The following BTBD2 variants were observed in gnomAD, a reference collection of about 807,000 sequenced individuals.
The protein encoded by BTBD2 is BTB domain containing 2.
Under a neutral mutation model 44.0 loss-of-function variants are expected in BTBD2, and 15 were observed. The observed-to-expected ratio is 0.34, with a 90% CI of 0.23 to 0.53. The LOEUF is 0.53. Ranked by LOEUF, BTBD2 falls within the 20% of genes least tolerant of loss-of-function variation. The pLI is 0.95. For synonymous variants in BTBD2, 443 were observed against 335.9 expected (o/e 1.32, Z -3.49); for missense variants, 657 against 746.4 (o/e 0.88, Z 1.39).
intron 1 of BTBD2, among the ~76,000 whole-genome samples, chr19:1,999,135 GC>G (rs1171277046): frequency 2.6e-5 from 4 of 151,958 alleles, no homozygotes; most frequent in Non-Finnish European, 5.9e-5. Context: ...CACCACACGC[GC>G]CCCCCTAAAC....
intron 1 of BTBD2, among the ~76,000 whole-genome samples, chr19:2,009,618 G>A (rs1376231672): frequency 1.3e-5 from 2 of 151,910 alleles, no homozygotes; most frequent in Admixed American, 6.6e-5. Flanking sequence ...GGAGGCCGAG[G>A]TGGGTGGATC....
chr19:1,986,689 G>C, intron 8 of BTBD2, 40 bp from the exon 9 acceptor site: 4 of 1,605,326 alleles, frequency 2.5e-6, no homozygotes, highest in Non-Finnish European at 3.4e-6. Flanking sequence ...AGGACCACCA[G>C]GCTGGGATGC....
At chr19:1,990,540 C>G (rs2016160771) in intron 4 of BTBD2, among the ~76,000 whole-genome samples, 177 bp downstream of exon 4, 2 of 152,212 alleles carry the variant, frequency 1.3e-5, no homozygotes, top group African/African-American at 4.8e-5. Context: ...GCCTCCTGGC[C>G]AAGGCCCCGG....
Position 2,015,451 on chromosome 19 carries a change from C to T in BTBD2, c.253G>A (p.Ala85Thr). 3.6e-6 allele frequency: 5 copies of T among 1,396,718 alleles called. No individual in the cohort carries two copies. Among genetic ancestry groups the T allele is most frequent in the Non-Finnish European group, 3.7e-6 (4 of 1,073,590 alleles). The allele number at this position is 1,396,718 out of a possible 1,614,324, so 86.5% of individuals were successfully genotyped here. A position where few individuals can be genotyped will look rare whatever the true frequency, so the allele number is the denominator to read the frequency against. Reference sequence around the variant, plus strand: ...GCGGCCTCGCGCTGCAGCGCCGCCGCCCCCGGGCCCGCCGCCTCCTCCGCC... The same window carrying T: ...GCGGCCTCGCGCTGCAGCGCCGCCGTCCCCGGGCCCGCCGCCTCCTCCGCC... ...ERAEEAAGPG[A>T]AALQREAAYN... Residue 85 changes from alanine to threonine, a missense_variant, in exon 1 of 9, where the codon GCG (alanine) becomes ACG (threonine). By Grantham distance (58) the Ala-to-Thr change is moderately conservative. Around this residue, in one of 3 missense-constraint regions of BTBD2, gnomAD observed 191 missense variants for 188.5 expected, o/e 1.01. Coordinates refer to ENST00000255608, the MANE Select transcript of BTBD2 (RefSeq NM_017797.4).
chr19:2,015,614 G>C lies in BTBD2; in HGVS notation c.90C>G (p.Ala30=). The C allele has an allele frequency of 1.0e-6, 1 of 975,244 alleles. No homozygotes were observed. The highest frequency in any genetic ancestry group is 1.2e-6 in the Non-Finnish European group (1 of 826,394). 60.4% of individuals were successfully genotyped at this position (975,244 alleles called of 1,614,324 possible). A position where few individuals can be genotyped will look rare whatever the true frequency, so the allele number is the denominator to read the frequency against. Residue 30 remains alanine (A), a synonymous_variant, in exon 1 of 9, where the codon GCC becomes GCG. Coordinates refer to ENST00000255608, the MANE Select transcript of BTBD2 (RefSeq NM_017797.4). ...CGGGGGCCGGGGTGGCGGCGGCGTT[G>C]GCGCTGGGCCCGGGACTGCCCCCCG... ...PGTGGSPGPS[A]NAAATPAPGN... is the part of the protein sequence containing the mutation.
chr19:2,014,429 C>CA (rs2016506079), intron 1 of BTBD2: 1 of 148,954 alleles, frequency 6.7e-6, no homozygotes, highest in African/African-American at 2.6e-5. Flanking sequence ...GGTGCAGGGC[C>CA]AGGGCATGGA....
chr19:2,013,062 A>T (rs1055059984), intron 1 of BTBD2, among the ~76,000 whole-genome samples: 1 of 152,198 alleles, frequency 6.6e-6, no homozygotes, highest in African/African-American at 2.4e-5. Flanking sequence ...CACGGACGGC[A>T]CAAGCCGTAG....
chr19:1,986,801 C>G, intron 8 of BTBD2, 29 bp downstream of exon 8: 1 of 1,585,598 alleles, frequency 6.3e-7, no homozygotes. Flanking sequence ...GAGACTCCCA[C>G]GGAGGGACCC....
rs771634399 is a variant in BTBD2 at position 1,990,198 on chromosome 19, G to A, written c.794C>T (p.Thr265Met). 1.1e-5 allele frequency: 18 copies of A among 1,594,556 alleles called. No homozygotes were observed. The highest frequency in any genetic ancestry group is 2.3e-5 in the East Asian group (1 of 43,606). Residue 265 changes from threonine to methionine, a missense_variant, in exon 5 of 9, where the codon ACG becomes ATG. Thr to Met is a moderately conservative substitution (Grantham distance 81). Transcript: ENST00000255608. ...GTCGCGCTCCAGGACAGCCACCAGC[G>A]TGTCTGTGGGGTGGAGGAAGGGGCT... The part of the protein sequence containing the change: ...AEGFTDIDLD[T>M]LVAVLERDTL...
rs771686850 is a variant in BTBD2 at position 1,987,593 on chromosome 19, G to C, written c.1088C>G (p.Pro363Arg). The change falls in exon 6 of 9, where the codon CCC becomes CGC. Residue 363 changes from proline (P) to arginine (R), a missense_variant. Pro to Arg is a moderately radical substitution (Grantham distance 103). Coordinates refer to ENST00000255608, the MANE Select transcript of BTBD2 (RefSeq NM_017797.4). ...PKPRVEFIDR[P>R]RCCLRGKECS... ...CTCCTTCCCACGCAGGCAGCAGCGG[G>C]GCCGGTCAATGAACTCCACTCGTGG... 6.2e-7 allele frequency: 1 copy of C among 1,612,822 alleles called. No individual in the cohort carries two copies. The highest frequency in any genetic ancestry group is 1.7e-5 in the Admixed American group (1 of 59,940).
intron 1 of BTBD2, among the ~76,000 whole-genome samples, chr19:2,007,006 C>A (rs951235661): frequency 6.6e-6 from 1 of 152,024 alleles, no homozygotes; most frequent in South Asian, 2.1e-4. Context: ...TACAGGCGCT[C>A]GCCACCACGC....
chr19:1,998,735 T>G (rs1019025409), intron 1 of BTBD2, among the ~76,000 whole-genome samples: 3 of 152,094 alleles, frequency 2.0e-5, no homozygotes, highest in Non-Finnish European at 4.4e-5. Flanking sequence ...GCCCACACGA[T>G]GGCCTCCCAG....
chr19:2,007,007 G>A (rs761670727), intron 1 of BTBD2, among the ~76,000 whole-genome samples: 5 of 152,058 alleles, frequency 3.3e-5, no homozygotes, highest in Admixed American at 6.6e-5. Flanking sequence ...ACAGGCGCTC[G>A]CCACCACGCC....
At position 1,987,588 on chromosome 19, in the gene BTBD2, A is replaced by G. The variant is rs1241628098; in HGVS notation, c.1093T>C (p.Cys365Arg). 1.9e-6 allele frequency: 3 copies of G among 1,612,588 alleles called. No homozygotes were observed. Among genetic ancestry groups the G allele is most frequent in the Non-Finnish European group, 2.5e-6 (3 of 1,179,708 alleles). ...CTGCACTCCTTCCCACGCAGGCAGC[A>G]GCGGGGCCGGTCAATGAACTCCACT... Reference protein sequence around the residue: ...PRVEFIDRPRCCLRGKECSIN... With the variant: ...PRVEFIDRPRRCLRGKECSIN... Residue 365 changes from cysteine (C) to arginine (R), a missense_variant, in exon 6 of 9, where the codon TGC (cysteine) becomes CGC (arginine). Cys to Arg is a radical substitution (Grantham distance 180). Around this residue, in one of 3 missense-constraint regions of BTBD2, gnomAD observed 449 missense variants for 510.9 expected, o/e 0.88. Transcript: ENST00000255608.
intron 3 of BTBD2, 166 bp from the exon 4 acceptor site, chr19:1,990,988 C>G: frequency 1.6e-6 from 1 of 609,850 alleles, no homozygotes; most frequent in Non-Finnish European, 2.9e-6. Flanking sequence ...TGTTGTGGGC[C>G]CAGAGACTCC....
At chr19:2,004,641 T>C (rs1471307131) in intron 1 of BTBD2, among the ~76,000 whole-genome samples, 2 of 150,116 alleles carry the variant, frequency 1.3e-5, no homozygotes, top group Non-Finnish European at 3.0e-5. Context: ...GTCTCAGATA[T>C]TCAGGGTTCA....
chr19:1,998,176 T>A (rs1228812156), intron 1 of BTBD2, among the ~76,000 whole-genome samples: 1 of 152,216 alleles, frequency 6.6e-6, no homozygotes, highest in Non-Finnish European at 1.5e-5. Context: ...ACTCGTCTAC[T>A]CTCTATCACT....
At chr19:1,998,768 T>C (rs977437040) in intron 1 of BTBD2, among the ~76,000 whole-genome samples, 3 of 152,042 alleles carry the variant, frequency 2.0e-5, no homozygotes, top group Non-Finnish European at 2.9e-5. Context: ...ACACACAGCA[T>C]AGGGGGGTCA....
chr19:1,989,057 C>A (rs536303654), intron 5 of BTBD2, among the ~76,000 whole-genome samples: 1 of 152,290 alleles, frequency 6.6e-6, no homozygotes, highest in African/African-American at 2.4e-5. Flanking sequence ...GGATTACAGG[C>A]ATGAGCCACC....
Sources: allele counts gnomAD v4.1 joint callset (sites outside exome capture counted in the v4.1 genomes callset), GRCh38; gene constraint gnomAD v4.1.1; regional missense constraint gnomAD v4.1.1; transcripts MANE v1.5; gene names NCBI Gene and HGNC (gene_info 2026-07-23, HGNC 2026-07-21).